The following HUWE1 variants were observed in gnomAD, a reference collection of about 807,000 sequenced individuals.
HUWE1 encodes the protein E3 ubiquitin-protein ligase HUWE1.
HUWE1 carries 18 observed loss-of-function variants against 299.4 expected under a neutral mutation model. That is an observed-to-expected ratio of 0.06 (90% CI 0.04 to 0.09). HUWE1 has a LOEUF of 0.09. Ranked by LOEUF, HUWE1 falls within the 10% of genes least tolerant of loss-of-function variation. The pLI is 1.00. For missense variants in HUWE1, 1,832 were observed against 3,462.3 expected (o/e 0.53, Z 11.82); for synonymous variants, 1,317 against 1,286.1 (o/e 1.02, Z -0.51).
At chrX:53,570,510 G>A (rs929014637) in intron 47 of HUWE1, among the ~76,000 whole-genome samples, 1 of 111,993 alleles carries the variant, frequency 8.9e-6, no homozygotes, top group Non-Finnish European at 1.9e-5. Flanking sequence ...CACCTACAAT[G>A]TGCCCAGGAC....
At chrX:53,585,926 T>C (rs1556972876) in intron 39 of HUWE1, among the ~76,000 whole-genome samples, 1 of 111,690 alleles carries the variant, frequency 9.0e-6, no homozygotes, top group East Asian at 2.8e-4. Context: ...TGAACTCAAG[T>C]AATCTACCTG....
intron 53 of HUWE1, 33 bp from the exon 54 acceptor site, chrX:53,562,277 C>A (rs1427822213): frequency 1.7e-6 from 2 of 1,202,306 alleles, no homozygotes; most frequent in African/African-American, 3.5e-5. Flanking sequence ...GAGGACTAAA[C>A]TGAGTAGCTA....
chrX:53,611,083 G>A (rs193104277), intron 23 of HUWE1, among the ~76,000 whole-genome samples: 6 of 108,253 alleles, frequency 5.5e-5, no homozygotes, highest in East Asian at 5.8e-4. Flanking sequence ...CGTACCTGGC[G>A]TAGACTATAG....
chrX:53,605,741 T>G (rs2065113766), intron 25 of HUWE1, among the ~76,000 whole-genome samples: 1 of 111,621 alleles, frequency 9.0e-6, no homozygotes, highest in Non-Finnish European at 1.9e-5. Context: ...GGGGAAAAAT[T>G]TTTGGAGGTC....
rs782442342 is a variant in HUWE1 at position 53,558,753 on chromosome X, C to T, written c.8062G>A (p.Glu2688Lys). ...LEFLRDEELE[E>K]RREKRRKQLA... The stretch of plus-strand genomic sequence containing the variant: ...TGTTTCCTGCGCTTCTCTCGCCTTT[C>T]TTCCAGCTCCTCATCCCTCAGGAAT... The change falls in exon 59 of 84, where the codon GAA becomes AAA. Residue 2688 changes from glutamate (E) to lysine (K), a missense_variant. Coordinates refer to ENST00000262854, the MANE Select transcript of HUWE1 (RefSeq NM_031407.7). The T allele has an allele frequency of 8.3e-7, 1 of 1,209,522 alleles. No homozygotes were observed. Among genetic ancestry groups the T allele is most frequent in the Non-Finnish European group, 1.1e-6 (1 of 894,604 alleles).
At chrX:53,571,863 G>A (rs1303459575) in intron 47 of HUWE1, among the ~76,000 whole-genome samples, 1 of 111,483 alleles carries the variant, frequency 9.0e-6, no homozygotes, top group Non-Finnish European at 1.9e-5. Flanking sequence ...AATATAAACT[G>A]ACCTGGCCAC....
intron 2 of HUWE1, among the ~76,000 whole-genome samples, chrX:53,682,642 G>A (rs2070227887): frequency 1.8e-5 from 2 of 110,900 alleles, no homozygotes; most frequent in African/African-American, 6.6e-5. Context: ...TTCAGCTCCT[G>A]GAAAAGGAGT....
chrX:53,616,899 A>T (rs1557007944), intron 21 of HUWE1, 71 bp downstream of exon 21: 17 of 899,559 alleles, frequency 1.9e-5, no homozygotes. Flanking sequence ...ACGATGAGAG[A>T]GATGATCAAG....
Position 53,538,220 on chromosome X carries a change from A to C in HUWE1, c.11996+117T>G. ...AGCTGTCTCTTCCCTCCTCACCACC[A>C]CCATTCCAAGTGCTGTCACCAAAGG... On this transcript the variant is annotated intron_variant, in intron 77 of 83. Transcript: ENST00000262854. 3 of 547,518 alleles carry C rather than the reference A, an allele frequency of 5.5e-6. No homozygotes were observed. The South Asian group carries it at 7.3e-5, about 13-fold the overall frequency. 45.1% of individuals were successfully genotyped at this position (547,518 alleles called of 1,213,427 possible).
Position 53,562,159 on chromosome X carries a change from A to G in HUWE1, c.7290T>C (p.Asp2430=). The change falls in exon 54 of 84, where the codon GAT becomes GAC. Residue 2430 remains aspartate (D), a synonymous_variant. Coordinates refer to ENST00000262854, the MANE Select transcript of HUWE1 (RefSeq NM_031407.7). ...CCTCCTCCTCCTCTTCATCCTGACT[A>G]TCATCCTCATCCTCGTTACTGCCAC... ...DSSGSNEDED[D]SQDEEEEEEE... The G allele has an allele frequency of 8.4e-7, 1 of 1,188,764 alleles. No individual in the cohort carries two copies. The highest frequency in any genetic ancestry group is 1.1e-6 in the Non-Finnish European group (1 of 874,921).
chrX:53,676,644 G>A (rs1025287630), intron 3 of HUWE1, among the ~76,000 whole-genome samples: 3 of 111,845 alleles, frequency 2.7e-5, no homozygotes, highest in Non-Finnish European at 5.6e-5. Context: ...TAGCAAGGAA[G>A]CTATCAAAGA....
At chrX:53,643,289 T>G (rs2149222985) in intron 7 of HUWE1, among the ~76,000 whole-genome samples, 1 of 112,008 alleles carries the variant, frequency 8.9e-6, no homozygotes, top group East Asian at 2.8e-4. Context: ...TTTTAGCCAA[T>G]ATGACTTATT....
intron 5 of HUWE1, 76 bp from the exon 6 acceptor site, chrX:53,647,650 T>C: frequency 1.3e-6 from 1 of 746,449 alleles, no homozygotes; most frequent in Non-Finnish European, 2.1e-6. Context: ...TGAGCTTTGT[T>C]ACAAGAGATT....
intron 19 of HUWE1, among the ~76,000 whole-genome samples, chrX:53,619,590 G>GAAAAAAAA (rs35685121): frequency 4.1e-4 from 17 of 41,151 alleles, no homozygotes; most frequent in East Asian, 8.8e-4. Context: ...AGAAATAGAA[G>GAAAAAAAA]AAAAAAAAAA....
chrX:53,565,829 G>A (rs782744697), intron 49 of HUWE1, among the ~76,000 whole-genome samples: 5 of 109,134 alleles, frequency 4.6e-5, no homozygotes, highest in Admixed American at 2.0e-4. Flanking sequence ...ATGGGGTTTC[G>A]CCATGTTGCT....
At chrX:53,660,519 A>G (rs1557044843) in intron 3 of HUWE1, among the ~76,000 whole-genome samples, 1 of 112,275 alleles carries the variant, frequency 8.9e-6, no homozygotes, top group Non-Finnish European at 1.9e-5. Context: ...TTGTGTTCTC[A>G]TATTTCTAAA....
chrX:53,597,510 T>TA (rs1308813446), intron 29 of HUWE1, among the ~76,000 whole-genome samples: 3 of 87,803 alleles, frequency 3.4e-5, no homozygotes, highest in African/African-American at 1.3e-4. Context: ...AGGAGAAAGA[T>TA]AAACTACCAG....
chrX:53,676,978 AATG>A (rs1166546651), intron 3 of HUWE1, among the ~76,000 whole-genome samples: 1 of 110,980 alleles, frequency 9.0e-6, no homozygotes, highest in African/African-American at 3.3e-5. Context: ...ATGAAAACAA[AATG>A]ATAGCATCAG....
At chrX:53,559,564 G>A (rs1474750210) in intron 56 of HUWE1, 32 bp from the exon 57 acceptor site, 1 of 1,165,470 alleles carries the variant, frequency 8.6e-7, no homozygotes, top group Non-Finnish European at 1.2e-6. Flanking sequence ...CATGATCACT[G>A]TTAAGTCCAG....
Sources: allele counts gnomAD v4.1 joint callset (sites outside exome capture counted in the v4.1 genomes callset), GRCh38; gene constraint gnomAD v4.1.1; transcripts MANE v1.5; gene names NCBI Gene and HGNC (gene_info 2026-07-23, HGNC 2026-07-21).